The following CCDC50 variants were observed in gnomAD, a reference collection of about 807,000 sequenced individuals.
CCDC50 encodes coiled-coil domain-containing protein 50.
Under a neutral mutation model 70.2 loss-of-function variants are expected in CCDC50, and 54 were observed. That is an observed-to-expected ratio of 0.77 (90% CI 0.62 to 0.96). CCDC50 has a LOEUF of 0.96. Ranked by LOEUF, CCDC50 falls within the 50% of genes least tolerant of loss-of-function variation. CCDC50 has a pLI of 0.00. For missense variants in CCDC50, 558 were observed against 578.7 expected (o/e 0.96, Z 0.37); for synonymous variants, 216 against 198.8 (o/e 1.09, Z -0.73).
intron 11 of CCDC50, among the ~76,000 whole-genome samples, chr3:191,390,600 A>G (rs28502671): frequency 1.3e-5 from 2 of 152,020 alleles, no homozygotes; most frequent in South Asian, 2.1e-4. Flanking sequence ...TTCCCATGGC[A>G]TCTGTAACCT....
In CCDC50 at chr3:191,397,841, T is replaced by A. The variant is rs561781873; in HGVS notation, c.*6081T>A. 6.6e-6 allele frequency: 1 copy of A among 152,342 alleles called. No individual in the cohort carries two copies. Among genetic ancestry groups the A allele is most frequent in the South Asian group, 2.1e-4 (1 of 4,830 alleles). 9.4% of individuals were successfully genotyped at this position (152,342 alleles called of 1,614,324 possible). On this transcript the variant is annotated 3_prime_UTR_variant, in exon 12 of 12. Transcript: ENST00000392455. ...GAATAGGCAGCTTTGAAATAGCTAGTTCGTGGAATTGAACAGAACCTTGAT... is the reference window on the plus strand; with the variant it reads ...GAATAGGCAGCTTTGAAATAGCTAGATCGTGGAATTGAACAGAACCTTGAT...
intron 10 of CCDC50, among the ~76,000 whole-genome samples, chr3:191,384,498 C>A (rs771709556): frequency 4.6e-5 from 7 of 152,054 alleles, no homozygotes; most frequent in Non-Finnish European, 1.0e-4. Flanking sequence ...AAAAACATGG[C>A]ACTTCCTAGG....
chr3:191,340,778 C>T (rs907173881), intron 1 of CCDC50, among the ~76,000 whole-genome samples: 18 of 152,152 alleles, frequency 1.2e-4, no homozygotes, highest in South Asian at 2.1e-4. Context: ...GAGCTTTAGA[C>T]GTGCAGTAAA....
chr3:191,378,832 T>C (rs1713208978), intron 6 of CCDC50, among the ~76,000 whole-genome samples: 1 of 151,968 alleles, frequency 6.6e-6, no homozygotes, highest in African/African-American at 2.4e-5. Context: ...TAGAGTTGAT[T>C]TGAAGTGATC....
chr3:191,345,686 A>G (rs1329402978), intron 1 of CCDC50, among the ~76,000 whole-genome samples: 1 of 152,274 alleles, frequency 6.6e-6, no homozygotes, highest in Non-Finnish European at 1.5e-5. Flanking sequence ...TACTTGCCAA[A>G]CAAGTGGTTT....
intron 1 of CCDC50, chr3:191,330,296 AAC>A (rs3048670): frequency 0.11 from 15,673 of 136,896 alleles, 2,280 homozygotes; most frequent in African/African-American, 0.36. Flanking sequence ...TTACAAACAA[AAC>A]ACACACACAC....
Position 191,375,299 on chromosome 3 carries a change from C to T in CCDC50, c.686C>T (p.Thr229Ile). Residue 229 changes from threonine to isoleucine, a missense_variant, in exon 6 of 12, where the codon ACT becomes ATT. By Grantham distance (89) the Thr-to-Ile change is moderately conservative (BLOSUM62 -1). Transcript: ENST00000392455. ...NNEQHERKRS[T>I]QERPRRPLLP... is the part of the protein sequence containing the mutation. ...GAGCAGCATGAAAGGAAACGGTCCACTCAGGAGAGGCCTCGGAGACCTCTG... is the reference window on the plus strand; with the variant it reads ...GAGCAGCATGAAAGGAAACGGTCCATTCAGGAGAGGCCTCGGAGACCTCTG... 6.2e-7 allele frequency: 1 copy of T among 1,613,740 alleles called. No individual in the cohort carries two copies. The highest frequency in any genetic ancestry group is 8.5e-7 in the Non-Finnish European group (1 of 1,179,836).
intron 5 of CCDC50, among the ~76,000 whole-genome samples, chr3:191,371,288 T>C (rs1214315498): frequency 2.0e-5 from 3 of 152,090 alleles, no homozygotes; most frequent in African/African-American, 2.4e-5. Context: ...GTGGCAGTTG[T>C]GGTGATTCTT....
At chr3:191,350,753 A>G (rs1712080885) in intron 1 of CCDC50, among the ~76,000 whole-genome samples, 1 of 141,954 alleles carries the variant, frequency 7.0e-6, no homozygotes, top group South Asian at 2.2e-4. Context: ...ACTGAGGTGA[A>G]AGAAGGAGTT....
rs558258809 is a variant in CCDC50 at position 191,356,294 on chromosome 3, AC to A, written c.50-790del. ...GGGGTAAACATGGATACCATTGTTT[AC>A]CCCAAACCATTTCTTCAAGACCATT... On this transcript the variant is annotated intron_variant, in intron 1 of 11. Coordinates refer to ENST00000392455, the MANE Select transcript of CCDC50 (RefSeq NM_178335.3). 4.5e-4 allele frequency among the ~76,000 whole-genome samples: 68 copies of A among 151,810 alleles called. 1 individual carries two copies. Among genetic ancestry groups the A allele is most frequent in the Non-Finnish European group, 8.7e-4 (59 of 68,016 alleles).
At chr3:191,336,172 A>G (rs1474267825) in intron 1 of CCDC50, among the ~76,000 whole-genome samples, 1 of 151,424 alleles carries the variant, frequency 6.6e-6, no homozygotes, top group Non-Finnish European at 1.5e-5. Flanking sequence ...ATTTGAACAT[A>G]AGTTTTTGTT....
chr3:191,380,796 G>A lies in CCDC50; in HGVS notation c.1138-32G>A, dbSNP rs764845156. 1.9e-6 allele frequency: 3 copies of A among 1,605,242 alleles called. No homozygotes were observed. The Admixed American group carries it at 5.0e-5, about 27-fold the overall frequency. ...CTAGTATATTTCTATCTGCACCTCT[G>A]CAGTTAATGATATTGACTGTATTTT... On this transcript the variant is annotated intron_variant, in intron 8 of 11. Transcript: ENST00000392455.
At chr3:191,364,524 G>A (rs1328165980) in intron 4 of CCDC50, among the ~76,000 whole-genome samples, 1 of 151,712 alleles carries the variant, frequency 6.6e-6, no homozygotes, top group Non-Finnish European at 1.5e-5. Flanking sequence ...AATTTTCCTG[G>A]TTAGTTACCA....
intron 11 of CCDC50, among the ~76,000 whole-genome samples, chr3:191,389,844 T>A (rs1211226183): frequency 1.4e-5 from 2 of 144,278 alleles, no homozygotes; most frequent in African/African-American, 2.6e-5. Context: ...AACGCTTTCA[T>A]CAAATTCACT....
At chr3:191,388,607 A>G (rs1713578730) in intron 10 of CCDC50, among the ~76,000 whole-genome samples, 1 of 152,194 alleles carries the variant, frequency 6.6e-6, no homozygotes, top group African/African-American at 2.4e-5. Context: ...CAAGATAAAA[A>G]ATTTGGAAAC....
chr3:191,396,410 A>G lies in CCDC50; in HGVS notation c.*4650A>G, dbSNP rs1713858406. 6.6e-6 allele frequency: 1 copy of G among 152,166 alleles called. No homozygotes were observed. Among genetic ancestry groups the G allele is most frequent in the South Asian group, 2.1e-4 (1 of 4,832 alleles). 9.4% of individuals were successfully genotyped at this position (152,166 alleles called of 1,614,324 possible). On this transcript the variant is annotated 3_prime_UTR_variant, in exon 12 of 12. Transcript: ENST00000392455. ...CACAATAAATACATAATTTTATTTC[A>G]TGTTGTCTGTCCACCTCTGAATAAG...
chr3:191,369,806 G>T (rs971471394), intron 4 of CCDC50, 113 bp from the exon 5 acceptor site: 18 of 769,182 alleles, frequency 2.3e-5, no homozygotes, highest in Non-Finnish European at 3.8e-5. Flanking sequence ...AGAAAGTCTA[G>T]AGAGCCATGG....
At chr3:191,371,222 T>G (rs144282129) in intron 5 of CCDC50, among the ~76,000 whole-genome samples, 1 of 152,318 alleles carries the variant, frequency 6.6e-6, no homozygotes, top group Non-Finnish European at 1.5e-5. Context: ...TCCCTCAGTT[T>G]CGCTTCTCTG....
At chr3:191,381,467 C>G (rs1214068149) in intron 9 of CCDC50, among the ~76,000 whole-genome samples, 2 of 152,112 alleles carry the variant, frequency 1.3e-5, no homozygotes, top group Admixed American at 1.3e-4. Context: ...TATCTTTCCC[C>G]TCGTTGATCA....
Sources: allele counts gnomAD v4.1 joint callset (sites outside exome capture counted in the v4.1 genomes callset), GRCh38; gene constraint gnomAD v4.1.1; transcripts MANE v1.5; gene names NCBI Gene and HGNC (gene_info 2026-07-23, HGNC 2026-07-21).